The following AFG2A variants were observed in gnomAD, a reference collection of about 807,000 sequenced individuals.
AFG2A encodes ATPase family gene 2 protein homolog A.
At chr4:123,121,374 A>T in the AFG2A span, among the ~76,000 whole-genome samples, 1 of 152,126 alleles carries the variant, frequency 6.6e-6, no homozygotes, top group African/African-American at 2.4e-5. Flanking sequence ...AATCTATAGT[A>T]GTGTACAGTA....
At chr4:123,274,434 A>G in the AFG2A span, among the ~76,000 whole-genome samples, 2 of 151,958 alleles carry the variant, frequency 1.3e-5, no homozygotes, top group African/African-American at 2.4e-5. Context: ...TTGACTCTTA[A>G]CCATAATAAC....
chr4:122,945,016 C>A, the AFG2A span, among the ~76,000 whole-genome samples: 2 of 152,132 alleles, frequency 1.3e-5, no homozygotes, highest in African/African-American at 2.4e-5. Context: ...CAGAGGAATA[C>A]CCGGCCGTGT....
chr4:123,205,709 T>C, the AFG2A span, among the ~76,000 whole-genome samples: 10 of 152,262 alleles, frequency 6.6e-5, no homozygotes, highest in Non-Finnish European at 1.5e-5. Flanking sequence ...ACCAATCCTC[T>C]GCAGATACCA....
At chr4:123,234,866 C>A in the AFG2A span, among the ~76,000 whole-genome samples, 1 of 152,076 alleles carries the variant, frequency 6.6e-6, no homozygotes, top group Non-Finnish European at 1.5e-5. Context: ...AATTATTTAA[C>A]CTCTCTCTAA....
chr4:123,023,091 T>A, the AFG2A span, among the ~76,000 whole-genome samples: 4 of 150,786 alleles, frequency 2.7e-5, no homozygotes, highest in Non-Finnish European at 5.9e-5. Context: ...TGCTAAATGA[T>A]GAGTTAATGG....
At chr4:123,074,240 G>A in the AFG2A span, among the ~76,000 whole-genome samples, 8 of 151,490 alleles carry the variant, frequency 5.3e-5, no homozygotes, top group East Asian at 1.9e-4. Context: ...GATTACAGGC[G>A]CACGCCACCA....
At chr4:123,229,850 GGAATCATTTATATGCATACTTTA>G in the AFG2A span, among the ~76,000 whole-genome samples, 1 of 151,714 alleles carries the variant, frequency 6.6e-6, no homozygotes, top group Non-Finnish European at 1.5e-5. Flanking sequence ...CTAGATTTTG[GGAATCATTTATATGCATACTTTA>G]GAGATATCGT....
the AFG2A span, chr4:123,256,192 C>G: frequency 6.2e-7 from 1 of 1,613,040 alleles, no homozygotes; most frequent in Non-Finnish European, 8.5e-7. Context: ...TAAGATAGTT[C>G]CCTTCAAAAT....
At chr4:123,154,304 T>C in the AFG2A span, among the ~76,000 whole-genome samples, 1 of 152,124 alleles carries the variant, frequency 6.6e-6, no homozygotes, top group African/African-American at 2.4e-5. Flanking sequence ...AGTTCTGTAA[T>C]ATTCATCAAA....
chr4:123,132,637 TAC>T, the AFG2A span, among the ~76,000 whole-genome samples: 4 of 150,276 alleles, frequency 2.7e-5, no homozygotes, highest in Non-Finnish European at 4.4e-5. Flanking sequence ...TTTGCATGTG[TAC>T]ACACACATCA....
chr4:122,934,581 A>C, the AFG2A span: 1 of 1,613,994 alleles, frequency 6.2e-7, no homozygotes, highest in Admixed American at 1.7e-5. Context: ...CTTCAACAAC[A>C]AGAGTCAATT....
the AFG2A span, among the ~76,000 whole-genome samples, chr4:123,044,248 A>G: frequency 2.0e-5 from 3 of 152,234 alleles, no homozygotes; most frequent in Non-Finnish European, 4.4e-5. Flanking sequence ...ACCTGAACCA[A>G]TTGCGGTGGC....
the AFG2A span, among the ~76,000 whole-genome samples, chr4:123,207,274 A>G: frequency 7.2e-6 from 1 of 139,538 alleles, no homozygotes; most frequent in Non-Finnish European, 1.5e-5. Context: ...CTTTCAGGTT[A>G]GTTGTGTTTC....
the AFG2A span, among the ~76,000 whole-genome samples, chr4:123,237,853 G>A: frequency 2.6e-5 from 4 of 152,182 alleles, no homozygotes; most frequent in African/African-American, 7.2e-5. Flanking sequence ...CACGGAGAGT[G>A]AACTGAAATA....
the AFG2A span, among the ~76,000 whole-genome samples, chr4:122,990,637 G>A: frequency 6.6e-6 from 1 of 152,126 alleles, no homozygotes; most frequent in Non-Finnish European, 1.5e-5. Flanking sequence ...ATGCTGGAGT[G>A]CAATGGTGCA....
chr4:123,056,700 T>G, the AFG2A span, among the ~76,000 whole-genome samples: 1 of 152,362 alleles, frequency 6.6e-6, no homozygotes, highest in Non-Finnish European at 1.5e-5. Flanking sequence ...TAGCCAGCAT[T>G]TCTGTTAAAA....
At chr4:122,967,091 G>A in the AFG2A span, among the ~76,000 whole-genome samples, 1 of 152,124 alleles carries the variant, frequency 6.6e-6, no homozygotes, top group Non-Finnish European at 1.5e-5. Flanking sequence ...CCATTACTGA[G>A]AACTATTTTT....
chr4:123,279,233 T>G, the AFG2A span, among the ~76,000 whole-genome samples: 1 of 152,074 alleles, frequency 6.6e-6, no homozygotes, highest in East Asian at 1.9e-4. Flanking sequence ...CTGGCCAACA[T>G]GGTGAAACCC....
At chr4:123,009,825 T>G in the AFG2A span, among the ~76,000 whole-genome samples, 1 of 152,196 alleles carries the variant, frequency 6.6e-6, no homozygotes, top group Non-Finnish European at 1.5e-5. Flanking sequence ...ATTTTGAACC[T>G]TTAATTATCT....
Sources: allele counts gnomAD v4.1 joint callset (sites outside exome capture counted in the v4.1 genomes callset), GRCh38; gene constraint gnomAD v4.1.1; transcripts MANE v1.5; gene names NCBI Gene and HGNC (gene_info 2026-07-23, HGNC 2026-07-21).